The following CFAP54 variants were observed in gnomAD, a reference collection of about 807,000 sequenced individuals.
The protein encoded by CFAP54 is cilia- and flagella-associated protein 54.
CFAP54 carries 290 observed loss-of-function variants against 370.4 expected under a neutral mutation model. That is an observed-to-expected ratio of 0.78 (90% CI 0.71 to 0.86). The LOEUF (loss-of-function observed/expected upper bound fraction) is 0.86, where lower values mean the gene tolerates loss of function less well. CFAP54 is among the 40% of genes least tolerant of loss of function. The probability of loss-of-function intolerance (pLI) is 0.00; values close to 1 mark genes in which losing one functional copy is unlikely to be tolerated. For synonymous variants in CFAP54, 1,206 were observed against 1,236.5 expected (o/e 0.98, Z 0.52); for missense variants, 3,399 against 3,528.7 (o/e 0.96, Z 0.93).
chr12:96,592,537 T>C lies in CFAP54; in HGVS notation c.3260T>C (p.Leu1087Pro). ...GAGACTTCTTCAATCCTCTTGTACC[T>C]TTTTCTTAGAAATATTTTTGTAACA... Reference protein sequence around the residue: ...LAETSSILLYLFLRNIFVTSD... With the variant: ...LAETSSILLYPFLRNIFVTSD... The change falls in exon 24 of 68, where the codon CTT (leucine) becomes CCT (proline). Residue 1087 changes from leucine (L) to proline (P), a missense_variant. Physicochemically the swap from Leu to Pro is moderately conservative, Grantham distance 98. Around this residue, in one of 3 missense-constraint regions of CFAP54, gnomAD observed 2,796 missense variants for 2,869.7 expected, o/e 0.97. Coordinates refer to ENST00000524981, the MANE Select transcript of CFAP54 (RefSeq NM_001306084.2). 3 of 1,056,808 alleles carry C rather than the reference T, an allele frequency of 2.8e-6. No individual in the cohort carries two copies. The highest frequency in any genetic ancestry group is 2.7e-6 in the Non-Finnish European group (2 of 750,450). 65.5% of individuals were successfully genotyped at this position (1,056,808 alleles called of 1,614,324 possible).
Position 96,658,107 on chromosome 12 carries a change from T to G in CFAP54, c.5324+2T>G. ...CATTCAGTTCAATACAGTTTCACAGTAAGTACTGCTGTAAGGGCAATTAAA... is the reference window on the plus strand; with the variant it reads ...CATTCAGTTCAATACAGTTTCACAGGAAGTACTGCTGTAAGGGCAATTAAA... On this transcript the variant is annotated splice_donor_variant, in intron 37 of 67. Transcript: ENST00000524981. LOFTEE classifies it high-confidence loss of function. 6.2e-7 allele frequency: 1 copy of G among 1,607,920 alleles called. No homozygotes were observed. Among genetic ancestry groups the G allele is most frequent in the Non-Finnish European group, 8.5e-7 (1 of 1,176,084 alleles).
intron 9 of CFAP54, 96 bp from the exon 10 acceptor site, chr12:96,533,696 T>C: frequency 1.1e-6 from 1 of 895,954 alleles, no homozygotes; most frequent in Non-Finnish European, 1.6e-6. Context: ...AAAGCAGGGA[T>C]TGTGTTTTCC....
In CFAP54 at chr12:96,513,037, C is replaced by G; in HGVS notation, c.791C>G (p.Ser264Cys). 6.6e-7 allele frequency: 1 copy of G among 1,510,416 alleles called. No homozygotes were observed. 93.6% of individuals were successfully genotyped at this position (1,510,416 alleles called of 1,614,324 possible). Residue 264 changes from serine to cysteine, a missense_variant, in exon 5 of 68, where the codon TCT becomes TGT. This residue lies in a region of CFAP54 where 559 missense variants were observed against 576.7 expected (regional missense o/e 0.97). Transcript: ENST00000524981. ...ICRKLMVIGQ[S>C]SKALEYLLWA... ...AGAAAACTGATGGTCATAGGTCAGT[C>G]TTCCAAGGTATGAAATGTACTGACA... is the stretch of plus-strand genomic sequence containing the variant.
chr12:96,771,627 G>C (rs1259454610), intron 60 of CFAP54, among the ~76,000 whole-genome samples: 1 of 152,090 alleles, frequency 6.6e-6, no homozygotes, highest in African/African-American at 2.4e-5. Flanking sequence ...ACTCCGGCCT[G>C]GGCAAAAGAG....
At chr12:96,702,223 GA>G (rs59422790) in intron 46 of CFAP54, among the ~76,000 whole-genome samples, 108,443 of 151,918 alleles carry the variant, frequency 0.71, 39,637 homozygotes, top group African/African-American at 0.87. Context: ...CTCCAGATAG[GA>G]GCATGTTAAG....
chr12:96,726,584 T>C (rs1957840960), intron 50 of CFAP54, among the ~76,000 whole-genome samples: 2 of 152,106 alleles, frequency 1.3e-5, no homozygotes, highest in African/African-American at 4.8e-5. Context: ...TTATTAGTCT[T>C]GCTAGCAGTC....
At chr12:96,643,248 A>G (rs570949787) in intron 32 of CFAP54, among the ~76,000 whole-genome samples, 8 of 152,356 alleles carry the variant, frequency 5.3e-5, no homozygotes, top group African/African-American at 1.7e-4. Flanking sequence ...TCATCAATAA[A>G]CTAAAACATA....
At chr12:96,638,203 G>C (rs200439108) in intron 32 of CFAP54, among the ~76,000 whole-genome samples, 1 of 90,964 alleles carries the variant, frequency 1.1e-5, no homozygotes, top group Non-Finnish European at 2.4e-5. Context: ...ATATATATAT[G>C]CATGTGTGTG....
At chr12:96,855,109 T>G (rs1959663037) in intron 66 of CFAP54, among the ~76,000 whole-genome samples, 1 of 152,142 alleles carries the variant, frequency 6.6e-6, no homozygotes, top group African/African-American at 2.4e-5. Flanking sequence ...GAAAAGGCCC[T>G]GATAAAACCA....
At chr12:96,598,587 A>G (rs1158390399) in intron 25 of CFAP54, 58 bp from the exon 26 acceptor site, 1 of 504,796 alleles carries the variant, frequency 2.0e-6, no homozygotes, top group Non-Finnish European at 3.6e-6. Flanking sequence ...AACATTTTCT[A>G]ATGAAATGAG....
intron 19 of CFAP54, among the ~76,000 whole-genome samples, chr12:96,570,857 T>TATGTA (rs1373487414): frequency 6.6e-6 from 1 of 152,226 alleles, no homozygotes; most frequent in Non-Finnish European, 1.5e-5. Flanking sequence ...TGGTGCTTTA[T>TATGTA]ATGTATTTTC....
intron 1 of CFAP54, among the ~76,000 whole-genome samples, chr12:96,493,473 G>C (rs1954909309): frequency 6.6e-6 from 1 of 152,192 alleles, no homozygotes; most frequent in South Asian, 2.1e-4. Flanking sequence ...GAGGGAACTA[G>C]ACAATAAACA....
At chr12:96,605,285 C>T (rs1185693676) in intron 26 of CFAP54, among the ~76,000 whole-genome samples, 1 of 152,120 alleles carries the variant, frequency 6.6e-6, no homozygotes, top group African/African-American at 2.4e-5. Context: ...TTAACCCAGC[C>T]ATTGAGACAG....
intron 43 of CFAP54, 94 bp downstream of exon 43, chr12:96,689,076 A>G: frequency 1.5e-6 from 1 of 665,408 alleles, no homozygotes; most frequent in Admixed American, 3.0e-5. Context: ...ACTCACAGGT[A>G]GCAAAATAAC....
At chr12:96,817,947 ATAGAT>A in intron 65 of CFAP54, 34 bp downstream of exon 65, 1 of 1,377,782 alleles carries the variant, frequency 7.3e-7, no homozygotes, top group South Asian at 1.5e-5. Flanking sequence ...TGACATTGCT[ATAGAT>A]TATCTTTTAT....
rs77311501 is a variant in CFAP54 at position 96,585,418 on chromosome 12, C to T, written c.3076-4009C>T. Among the ~76,000 whole-genome samples, 315 of 152,290 alleles carry T rather than the reference C, an allele frequency of 2.1e-3. 1 individual carries two copies. The highest frequency in any genetic ancestry group is 3.9e-3 in the Admixed American group (59 of 15,296). On this transcript the variant is annotated intron_variant, in intron 22 of 67. Coordinates refer to ENST00000524981, the MANE Select transcript of CFAP54 (RefSeq NM_001306084.2). Reference sequence around the variant, plus strand: ...AGCTGTTCCTTCTGCAAATGCTCTTCCCCCAGAGAGCCATTCCCTCATCTC... The same window carrying T: ...AGCTGTTCCTTCTGCAAATGCTCTTTCCCCAGAGAGCCATTCCCTCATCTC...
At chr12:96,785,162 A>T (rs1958616374) in intron 61 of CFAP54, among the ~76,000 whole-genome samples, 1 of 152,226 alleles carries the variant, frequency 6.6e-6, no homozygotes. Context: ...TTCCAAGACC[A>T]CTGCCAAAGT....
At chr12:96,580,328 G>C (rs1171751160) in intron 20 of CFAP54, among the ~76,000 whole-genome samples, 1 of 152,000 alleles carries the variant, frequency 6.6e-6, no homozygotes, top group African/African-American at 2.4e-5. Flanking sequence ...GAAAATATCT[G>C]TAAATTTCCT....
chr12:96,804,527 A>G (rs1958857109), intron 63 of CFAP54, among the ~76,000 whole-genome samples: 6 of 152,156 alleles, frequency 3.9e-5, no homozygotes, highest in Admixed American at 2.6e-4. Flanking sequence ...TGTAATAACT[A>G]CATAAAACAA....
Sources: allele counts gnomAD v4.1 joint callset (sites outside exome capture counted in the v4.1 genomes callset), GRCh38; gene constraint gnomAD v4.1.1; regional missense constraint gnomAD v4.1.1; transcripts MANE v1.5; gene names NCBI Gene and HGNC (gene_info 2026-07-23, HGNC 2026-07-21).